Variants in SAMMSON observed in about 807,000 individuals in gnomAD.
SAMMSON encodes the protein long intergenic non-protein coding RNA 1212.
chr3:70,274,649 G>A (rs1268544190), intron 6 of SAMMSON, among the ~76,000 whole-genome samples: 2 of 152,080 alleles, frequency 1.3e-5, no homozygotes, highest in East Asian at 3.9e-4. Flanking sequence ...GGTGGGGAGG[G>A]AGAGCTTAAT....
chr3:70,429,843 T>A (rs1701399609), intron 2 of SAMMSON, among the ~76,000 whole-genome samples: 2 of 152,228 alleles, frequency 1.3e-5, no homozygotes, highest in South Asian at 4.1e-4. Context: ...CTGAAGTTGC[T>A]TATAAGCTTA....
At chr3:70,003,845 G>T (rs1055676288) in intron 1 of SAMMSON, among the ~76,000 whole-genome samples, 1 of 151,722 alleles carries the variant, frequency 6.6e-6, no homozygotes, top group African/African-American at 2.4e-5. Context: ...TAGTCTTTTA[G>T]AATGAAAATG....
intron 7 of SAMMSON, among the ~76,000 whole-genome samples, chr3:70,326,099 A>G (rs1172842619): frequency 6.6e-6 from 1 of 151,924 alleles, no homozygotes; most frequent in African/African-American, 2.4e-5. Context: ...ACTTTGGGGA[A>G]TTTCTATTCT....
chr3:70,295,714 A>G (rs1324995519), intron 7 of SAMMSON, among the ~76,000 whole-genome samples: 3 of 152,160 alleles, frequency 2.0e-5, no homozygotes, highest in Admixed American at 2.0e-4. Context: ...ACAAATAAAT[A>G]TACAAATACT....
intron 3 of SAMMSON, among the ~76,000 whole-genome samples, chr3:70,049,239 T>G (rs1346115801): frequency 1.3e-5 from 2 of 152,108 alleles, no homozygotes; most frequent in Admixed American, 1.3e-4. Flanking sequence ...CCTGTCTTAA[T>G]AGAGGTCTGT....
At chr3:70,166,469 A>G (rs1428798372) in intron 4 of SAMMSON, among the ~76,000 whole-genome samples, 1 of 151,884 alleles carries the variant, frequency 6.6e-6, no homozygotes, top group Admixed American at 6.6e-5. Context: ...AGATAGTATG[A>G]CTTCTTCCAA....
chr3:70,432,324 T>A (rs1003696356), intron 2 of SAMMSON, among the ~76,000 whole-genome samples: 2 of 151,882 alleles, frequency 1.3e-5, no homozygotes, highest in African/African-American at 2.4e-5. Context: ...CTTTCCTCCA[T>A]GTTTATTAGG....
At chr3:70,333,109 G>T (rs1357962463) in intron 7 of SAMMSON, among the ~76,000 whole-genome samples, 10 of 151,050 alleles carry the variant, frequency 6.6e-5, no homozygotes, top group Non-Finnish European at 1.0e-4. Flanking sequence ...TTTTTCTCTT[G>T]TTGCTGCAGC....
intron 4 of SAMMSON, among the ~76,000 whole-genome samples, chr3:70,105,985 T>G: frequency 6.8e-6 from 1 of 146,552 alleles, no homozygotes. Flanking sequence ...TAGTTGGTGC[T>G]CCCTACTCCT....
intron 1 of SAMMSON, among the ~76,000 whole-genome samples, chr3:70,004,616 A>G (rs1404090283): frequency 1.3e-5 from 2 of 152,186 alleles, no homozygotes; most frequent in Non-Finnish European, 2.9e-5. Flanking sequence ...TACCTAAACC[A>G]GCTTACAACA....
At chr3:70,359,204 AC>A (rs1294617842) in intron 9 of SAMMSON, among the ~76,000 whole-genome samples, 1 of 152,128 alleles carries the variant, frequency 6.6e-6, no homozygotes, top group Non-Finnish European at 1.5e-5. Context: ...GCCTCTACTT[AC>A]AGGGACAAGT....
At chr3:70,274,583 GACACAT>G in intron 6 of SAMMSON, among the ~76,000 whole-genome samples, 1 of 152,132 alleles carries the variant, frequency 6.6e-6, no homozygotes, top group Admixed American at 6.5e-5. Flanking sequence ...GAACAATGAG[GACACAT>G]GGACACATGG....
intron 8 of SAMMSON, among the ~76,000 whole-genome samples, chr3:70,355,047 A>G (rs1182564341): frequency 1.3e-5 from 2 of 152,180 alleles, no homozygotes; most frequent in Non-Finnish European, 2.9e-5. Flanking sequence ...TTGAAATTTA[A>G]TAGTTGGAAA....
intron 4 of SAMMSON, among the ~76,000 whole-genome samples, chr3:70,118,067 C>T (rs958245590): frequency 2.6e-5 from 4 of 151,978 alleles, no homozygotes; most frequent in African/African-American, 7.2e-5. Flanking sequence ...ACAGGCACCC[C>T]ACCACCACGC....
At chr3:70,282,018 A>G (rs999155566) in intron 6 of SAMMSON, among the ~76,000 whole-genome samples, 3 of 152,160 alleles carry the variant, frequency 2.0e-5, no homozygotes, top group African/African-American at 7.2e-5. Flanking sequence ...CCAGAACACC[A>G]GGGGTGCAGT....
chr3:70,052,208 A>C (rs189502384), intron 3 of SAMMSON, among the ~76,000 whole-genome samples: 7 of 152,292 alleles, frequency 4.6e-5, no homozygotes, highest in African/African-American at 1.7e-4. Flanking sequence ...ATAAAGTATT[A>C]CCCACAAGAA....
chr3:70,223,921 C>G (rs2106738831), intron 4 of SAMMSON, among the ~76,000 whole-genome samples: 1 of 152,164 alleles, frequency 6.6e-6, no homozygotes, highest in African/African-American at 2.4e-5. Context: ...TTTGTACTCT[C>G]CTCTCCCCCC....
intron 7 of SAMMSON, among the ~76,000 whole-genome samples, chr3:70,329,855 T>C (rs562739466): frequency 4.6e-5 from 7 of 152,088 alleles, no homozygotes; most frequent in African/African-American, 1.2e-4. Context: ...TAAGCAGAAA[T>C]ATTTTGGTTA....
chr3:70,290,863 A>G (rs768423318), intron 6 of SAMMSON, among the ~76,000 whole-genome samples: 5 of 152,120 alleles, frequency 3.3e-5, no homozygotes, highest in Non-Finnish European at 7.4e-5. Flanking sequence ...TAGGAAAGGG[A>G]ACTCGCTGAC....
Sources: allele counts gnomAD v4.1 joint callset (sites outside exome capture counted in the v4.1 genomes callset), GRCh38; gene constraint gnomAD v4.1.1; transcripts MANE v1.5; gene names NCBI Gene and HGNC (gene_info 2026-07-23, HGNC 2026-07-21).